The following SLC24A2 variants were observed in gnomAD, a reference collection of about 807,000 sequenced individuals.
SLC24A2 encodes the protein solute carrier family 24 member 2, also known as sodium/potassium/calcium exchanger 2.
A neutral mutation model predicts 62.0 loss-of-function variants in SLC24A2; 36 were observed. The ratio of observed to expected loss-of-function variants is 0.58; its 90% CI spans 0.44 to 0.77. The LOEUF is 0.77. Among genes scored for constraint, SLC24A2 ranks in the 30% least tolerant of loss-of-function variants. SLC24A2 has a pLI of 0.00. For missense variants in SLC24A2, 846 were observed against 817.9 expected, an observed-to-expected ratio of 1.03 and a Z score of -0.42; for synonymous variants, 358 against 294.0, an observed-to-expected ratio of 1.22 and a Z score of -2.23.
chr9:19,946,896 G>A, the SLC24A2 span, among the ~76,000 whole-genome samples: 1 of 152,152 alleles, frequency 6.6e-6, no homozygotes, highest in Non-Finnish European at 1.5e-5. Flanking sequence ...ATGTTTGTGT[G>A]AATGTGTGGA....
the SLC24A2 span, among the ~76,000 whole-genome samples, chr9:20,173,432 C>A: frequency 6.6e-6 from 1 of 151,980 alleles, no homozygotes; most frequent in South Asian, 2.1e-4. Context: ...CTAGAAAACC[C>A]TAAAGACTCC....
At chr9:19,584,169 G>A (rs1370024027) in intron 5 of SLC24A2, among the ~76,000 whole-genome samples, 1 of 151,396 alleles carries the variant, frequency 6.6e-6, no homozygotes, top group East Asian at 1.9e-4. Flanking sequence ...CCCATCACAG[G>A]CCTACACTGT....
chr9:19,682,612 G>A lies in SLC24A2; in HGVS notation c.931-60313C>T, dbSNP rs368346277. ...AAGTATAACCACTACATTATATAGT[G>A]TGACACAGCAATAATACAGGGAGCA... On this transcript the variant is annotated intron_variant, in intron 2 of 10. Transcript: ENST00000341998. Among the ~76,000 whole-genome samples, 63 of 152,244 alleles carry A rather than the reference G, an allele frequency of 4.1e-4. 1 individual carries two copies. Among genetic ancestry groups the A allele is most frequent in the South Asian group, 8.3e-4 (4 of 4,828 alleles).
chr9:19,615,632 T>G (rs977958470), intron 4 of SLC24A2, among the ~76,000 whole-genome samples: 3 of 152,216 alleles, frequency 2.0e-5, no homozygotes, highest in Non-Finnish European at 4.4e-5. Context: ...AGTCCAGAGC[T>G]GATTATGGCT....
At chr9:19,761,395 T>C (rs549922979) in intron 2 of SLC24A2, among the ~76,000 whole-genome samples, 1 of 152,226 alleles carries the variant, frequency 6.6e-6, no homozygotes, top group Non-Finnish European at 1.5e-5. Context: ...TTGATTTGCA[T>C]TTCTGTAATG....
At chr9:19,521,372 G>A (rs752329405) in intron 9 of SLC24A2, among the ~76,000 whole-genome samples, 18 of 152,202 alleles carry the variant, frequency 1.2e-4, no homozygotes, top group East Asian at 3.9e-4. Context: ...AGGATTAGAG[G>A]TAGAAAGGCC....
At chr9:19,741,362 C>T (rs558697555) in intron 2 of SLC24A2, among the ~76,000 whole-genome samples, 1 of 152,296 alleles carries the variant, frequency 6.6e-6, no homozygotes, top group African/African-American at 2.4e-5. Flanking sequence ...ACTTCCTGTG[C>T]ACTTCCTGTT....
chr9:19,863,332 T>A, the SLC24A2 span, among the ~76,000 whole-genome samples: 1 of 152,042 alleles, frequency 6.6e-6, no homozygotes, highest in African/African-American at 2.4e-5. Flanking sequence ...TGACAGATCT[T>A]CCAGACAGAA....
At chr9:20,175,776 C>A in the SLC24A2 span, among the ~76,000 whole-genome samples, 1 of 151,994 alleles carries the variant, frequency 6.6e-6, no homozygotes, top group African/African-American at 2.4e-5. Context: ...TCTAAGTAAA[C>A]TGTAAGTTCC....
the SLC24A2 span, among the ~76,000 whole-genome samples, chr9:20,196,568 A>C: frequency 3.7e-4 from 56 of 152,310 alleles, 1 homozygote; most frequent in Middle Eastern, 0.01. Flanking sequence ...ATATTTTCTC[A>C]TAATAACAAT....
At chr9:19,841,865 C>T in the SLC24A2 span, among the ~76,000 whole-genome samples, 5 of 152,140 alleles carry the variant, frequency 3.3e-5, no homozygotes, top group Admixed American at 6.5e-5. Context: ...CACCAGCCAC[C>T]CTAGTGCTTA....
the SLC24A2 span, among the ~76,000 whole-genome samples, chr9:20,102,593 G>C: frequency 1.3e-5 from 2 of 150,028 alleles, no homozygotes; most frequent in African/African-American, 2.5e-5. Flanking sequence ...GTAAACCTTT[G>C]AAACAAACCT....
the SLC24A2 span, among the ~76,000 whole-genome samples, chr9:20,012,147 T>C: frequency 6.6e-6 from 1 of 152,186 alleles, no homozygotes; most frequent in African/African-American, 2.4e-5. Context: ...AGATACCCAC[T>C]GTATTAGTCC....
At chr9:20,089,904 G>T in the SLC24A2 span, among the ~76,000 whole-genome samples, 1 of 151,928 alleles carries the variant, frequency 6.6e-6, no homozygotes, top group Non-Finnish European at 1.5e-5. Flanking sequence ...AGCTCACACT[G>T]GTAGTGCAGC....
chr9:19,839,303 C>G, the SLC24A2 span, among the ~76,000 whole-genome samples: 2 of 152,144 alleles, frequency 1.3e-5, no homozygotes, highest in Non-Finnish European at 1.5e-5. Flanking sequence ...TGACTGTAAA[C>G]TAGTTTAACC....
the SLC24A2 span, chr9:19,895,847 G>C: frequency 3.1e-6 from 5 of 1,609,470 alleles, no homozygotes; most frequent in Non-Finnish European, 4.2e-6. Flanking sequence ...TCAGGGGTCA[G>C]GCCAGCAAAG....
the SLC24A2 span, among the ~76,000 whole-genome samples, chr9:19,931,726 G>T: frequency 2.0e-5 from 3 of 152,122 alleles, no homozygotes; most frequent in Non-Finnish European, 4.4e-5. Flanking sequence ...ACACCCCTCA[G>T]TTCCAGGCCA....
chr9:20,211,226 A>G, the SLC24A2 span, among the ~76,000 whole-genome samples: 2 of 152,104 alleles, frequency 1.3e-5, no homozygotes, highest in East Asian at 3.9e-4. Flanking sequence ...AAAATAATAC[A>G]TGCTGGCCGG....
At chr9:19,629,055 TATCTC>T (rs1332978917) in intron 2 of SLC24A2, among the ~76,000 whole-genome samples, 1 of 152,116 alleles carries the variant, frequency 6.6e-6, no homozygotes, top group African/African-American at 2.4e-5. Flanking sequence ...ATATATATAA[TATCTC>T]ATCGAATCCT....
Sources: gnomAD v4.1 joint callset for allele counts (sites outside exome capture counted in the v4.1 genomes callset) on GRCh38, gnomAD v4.1.1 for gene constraint, MANE v1.5 for transcripts, NCBI Gene and HGNC (gene_info 2026-07-23, HGNC 2026-07-21) for gene names.